OPRK1: variants seen among roughly 807,000 people sequenced by gnomAD.
OPRK1 encodes opioid receptor kappa 1.
OPRK1 carries 15 observed loss-of-function variants against 24.5 expected under a neutral mutation model. That is an observed-to-expected ratio of 0.61 (90% confidence interval 0.41 to 0.94). OPRK1 has a LOEUF of 0.94. Ranked by LOEUF, OPRK1 falls within the 40% of genes least tolerant of loss-of-function variation. OPRK1 has a pLI of 0.00. For missense variants in OPRK1, 479 were observed against 507.3 expected (o/e 0.94, Z 0.54); for synonymous variants, 205 against 198.0 (o/e 1.04, Z -0.30).
chr8:53,234,135 T>C (rs556705614), intron 3 of OPRK1, among the ~76,000 whole-genome samples: 2 of 137,700 alleles, frequency 1.5e-5, no homozygotes, highest in Non-Finnish European at 3.0e-5. Context: ...AGTGAGCCGA[T>C]ATCGCGCCAC....
intron 3 of OPRK1, among the ~76,000 whole-genome samples, chr8:53,233,554 AG>A (rs1585629623): frequency 1.3e-5 from 2 of 152,310 alleles, no homozygotes; most frequent in East Asian, 3.9e-4. Context: ...TGAACCCCCT[AG>A]TAAACTGGAG....
intron 2 of OPRK1, among the ~76,000 whole-genome samples, chr8:53,241,599 G>A (rs1807117848): frequency 6.6e-6 from 1 of 152,086 alleles, no homozygotes; most frequent in South Asian, 2.1e-4. Flanking sequence ...AAATGGAAAG[G>A]AAAGATAAGG....
At chr8:53,250,672 A>G in intron 2 of OPRK1, 109 bp downstream of exon 2, 1 of 1,160,898 alleles carries the variant, frequency 8.6e-7, no homozygotes, top group Non-Finnish European at 1.2e-6. Context: ...TTCACGGAAC[A>G]GAGTCCCCAC....
chr8:53,250,816 C>CA lies in OPRK1; in HGVS notation c.221dup (p.Leu74PhefsTer27), dbSNP rs769512819. On this transcript the variant is annotated frameshift_variant, in exon 2 of 4. Coordinates refer to ENST00000265572, the MANE Select transcript of OPRK1 (RefSeq NM_000912.5). LOFTEE classifies it high-confidence loss of function. ...CGAACATGACCAGCGAGTTGCCCAC[C>CA]AAGCCCACGACGAACACTACGGAGT... 6.2e-6 allele frequency: 10 copies of CA among 1,610,702 alleles called. No homozygotes were observed. Among genetic ancestry groups the CA allele is most frequent in the Non-Finnish European group, 7.6e-6 (9 of 1,178,520 alleles).
In OPRK1 at chr8:53,229,611, G is replaced by C; in HGVS notation, c.829C>G (p.Leu277Val). ...RNLRRITRLV[L>V]VVVAVFVVCW... is the part of the protein sequence containing the mutation. The stretch of plus-strand genomic sequence containing the variant: ...ACGACGAAGACTGCCACCACCACCA[G>C]GACCAGTCTGGTGATCCTACGCAGG... The change falls in exon 4 of 4, where the codon CTG becomes GTG. Residue 277 changes from leucine (L) to valine (V), a missense_variant. Leu to Val is a conservative substitution (Grantham distance 32). Transcript: ENST00000265572. 6.2e-7 allele frequency: 1 copy of C among 1,614,140 alleles called. No individual in the cohort carries two copies. The highest frequency in any genetic ancestry group is 8.5e-7 in the Non-Finnish European group (1 of 1,179,998).
intron 2 of OPRK1, among the ~76,000 whole-genome samples, chr8:53,237,274 A>C (rs1215008566): frequency 6.6e-6 from 1 of 152,226 alleles, no homozygotes; most frequent in Non-Finnish European, 1.5e-5. Flanking sequence ...GACCTGACAC[A>C]AAGAACATGA....
intron 2 of OPRK1, among the ~76,000 whole-genome samples, chr8:53,244,526 G>T (rs1021064083): frequency 6.6e-6 from 1 of 152,174 alleles, no homozygotes; most frequent in Non-Finnish European, 1.5e-5. Context: ...CCCAGAGGAA[G>T]GTTCGTGAGA....
At chr8:53,232,807 T>C (rs1806887478) in intron 3 of OPRK1, among the ~76,000 whole-genome samples, 1 of 152,242 alleles carries the variant, frequency 6.6e-6, no homozygotes, top group Non-Finnish European at 1.5e-5. Context: ...TTGTTAAGAA[T>C]AATTGTTTCT....
intron 1 of OPRK1, 45 bp downstream of exon 1, chr8:53,251,403 C>A: frequency 3.1e-6 from 1 of 319,342 alleles, no homozygotes. Context: ...CACCTCCCAG[C>A]ACGGAGCTCT....
intron 2 of OPRK1, among the ~76,000 whole-genome samples, chr8:53,250,236 G>T (rs1421790742): frequency 2.6e-5 from 4 of 152,062 alleles, no homozygotes; most frequent in African/African-American, 4.8e-5. Flanking sequence ...TACTAAAAAG[G>T]CTCATATATG....
intron 2 of OPRK1, among the ~76,000 whole-genome samples, chr8:53,236,923 C>T (rs1194534675): frequency 6.6e-6 from 1 of 152,116 alleles, no homozygotes; most frequent in Non-Finnish European, 1.5e-5. Flanking sequence ...ATTCTTTTTG[C>T]TATAAACTTA....
intron 3 of OPRK1, among the ~76,000 whole-genome samples, chr8:53,231,666 A>G (rs1158612869): frequency 6.6e-6 from 1 of 152,188 alleles, no homozygotes. Context: ...TGCCTTAATC[A>G]ACACTGAATC....
chr8:53,229,735 G>A lies in OPRK1; in HGVS notation c.705C>T (p.Phe235=), dbSNP rs112014812. Residue 235 remains phenylalanine (F), a synonymous_variant, in exon 4 of 4, where the codon TTC becomes TTT. Coordinates refer to ENST00000265572, the MANE Select transcript of OPRK1 (RefSeq NM_000912.5). ...FMKICVFIFA[F]VIPVLIIIVC... is the part of the protein sequence containing the mutation. The stretch of plus-strand genomic sequence containing the variant: ...CGATGATGATGAGGACAGGGATCAC[G>A]AAGGCAAAGATGAAGACGCAGATCT... 2.1e-5 allele frequency: 34 copies of A among 1,614,050 alleles called. No individual in the cohort carries two copies. The African/African-American group carries it at 2.5e-4, about 12-fold the overall frequency.
At chr8:53,233,231 T>A (rs958173423) in intron 3 of OPRK1, among the ~76,000 whole-genome samples, 1 of 152,190 alleles carries the variant, frequency 6.6e-6, no homozygotes, top group Non-Finnish European at 1.5e-5. Context: ...GAGTGAGCCC[T>A]CCTGTAAACT....
chr8:53,234,627 A>T, intron 3 of OPRK1, 132 bp downstream of exon 3: 1 of 727,654 alleles, frequency 1.4e-6, no homozygotes, highest in South Asian at 1.8e-5. Flanking sequence ...TCTTCCATGG[A>T]TTTAGGCACT....
Position 53,234,768 on chromosome 8 carries a change from C to G in OPRK1, c.601G>C (p.Val201Leu), listed in dbSNP as rs201285006. Residue 201 changes from valine to leucine, a missense_variant, in exon 3 of 4, where the codon GTC becomes CTC. Transcript: ENST00000265572. ...ISAIVLGGTK[V>L]REDVDVIECS... The stretch of plus-strand genomic sequence containing the variant: ...AAATGACTGCTCTTACCTTCCCTGA[C>G]TTTGGTGCCTCCAAGGACTATTGCA... 8 of 1,609,070 alleles carry G rather than the reference C, an allele frequency of 5.0e-6. No individual in the cohort carries two copies. Among genetic ancestry groups the G allele is most frequent in the Non-Finnish European group, 6.0e-6 (7 of 1,175,806 alleles).
chr8:53,227,198 C>A lies in OPRK1; in HGVS notation c.*2099G>T, dbSNP rs199582493. ...GCTTGAACCCAGGAGGTGGAGGTTG[C>A]AGTGAGCCAAGACTGTGCTACCGCA... On this transcript the variant is annotated 3_prime_UTR_variant, in exon 4 of 4. Transcript: ENST00000265572. The A allele has an allele frequency of 1.4e-5, 2 of 146,060 alleles. No homozygotes were observed. The highest frequency in any genetic ancestry group is 4.0e-4 in the East Asian group (2 of 4,964). The allele number at this position is 146,060 out of a possible 1,614,324, so 9.0% of individuals were successfully genotyped here. A position where few individuals can be genotyped will look rare whatever the true frequency, so the allele number is the denominator to read the frequency against.
chr8:53,238,464 A>G (rs890853005), intron 2 of OPRK1: 1 of 872,412 alleles, frequency 1.1e-6, no homozygotes, highest in Non-Finnish European at 1.4e-6. Context: ...ACCTGAAAAA[A>G]CAGTACGGTG....
Position 53,250,807 on chromosome 8 carries a change from G to A in OPRK1, c.231C>T (p.Asn77=), listed in dbSNP as rs1263958614. Residue 77 remains asparagine, a synonymous_variant, in exon 2 of 4, where the codon AAC becomes AAT. Coordinates refer to ENST00000265572, the MANE Select transcript of OPRK1 (RefSeq NM_000912.5). ...SVVFVVGLVG[N]SLVMFVIIRY... is the part of the protein sequence containing the mutation. The stretch of plus-strand genomic sequence containing the variant: ...GGATGATCACGAACATGACCAGCGA[G>A]TTGCCCACCAAGCCCACGACGAACA... 2 of 1,610,178 alleles carry A rather than the reference G, an allele frequency of 1.2e-6. No individual in the cohort carries two copies. Among genetic ancestry groups the A allele is most frequent in the African/African-American group, 1.3e-5 (1 of 74,324 alleles).
Sources: gnomAD v4.1 joint callset for allele counts (sites outside exome capture counted in the v4.1 genomes callset) on GRCh38, gnomAD v4.1.1 for gene constraint, MANE v1.5 for transcripts, NCBI Gene and HGNC (gene_info 2026-07-23, HGNC 2026-07-21) for gene names.